RBFOX3: variants seen among roughly 807,000 people sequenced by gnomAD.
RBFOX3 encodes RNA binding fox-1 homolog 3.
In RBFOX3, 17 loss-of-function variants were observed where a neutral mutation model predicts 48.7. That is an observed-to-expected ratio of 0.35 (90% CI 0.24 to 0.52). The LOEUF is 0.52. RBFOX3 is among the 20% of genes least tolerant of loss of function. RBFOX3 has a pLI of 0.94. For missense variants in RBFOX3, 382 were observed against 497.5 expected (o/e 0.77, Z 2.21); for synonymous variants, 212 against 209.5 (o/e 1.01, Z -0.10).
chr17:79,549,976 G>A (rs1281003541), intron 1 of RBFOX3, among the ~76,000 whole-genome samples: 1 of 152,210 alleles, frequency 6.6e-6, no homozygotes, highest in African/African-American at 2.4e-5. Context: ...TGTAGGGCAG[G>A]ACGTGGGCAT....
In RBFOX3 at chr17:79,480,836, C is replaced by T. The variant is rs376923649; in HGVS notation, c.-175+1618G>A. 2.0e-5 allele frequency among the ~76,000 whole-genome samples: 3 copies of T among 152,196 alleles called. No homozygotes were observed. Among genetic ancestry groups the T allele is most frequent in the African/African-American group, 7.2e-5 (3 of 41,456 alleles). ...TAATGCACTGCATTTATCTTCACAG[C>T]GTTATGGCGCCTGACATACATTTAT... On this transcript the variant is annotated intron_variant, in intron 2 of 14. Coordinates refer to ENST00000693108, the MANE Select transcript of RBFOX3 (RefSeq NM_001350451.2). The surrounding 1 kb of genome is among the most constrained non-coding windows in gnomAD (Gnocchi z 4.8).
intron 1 of RBFOX3, among the ~76,000 whole-genome samples, chr17:79,579,456 G>A (rs2144755583): frequency 6.6e-6 from 1 of 152,318 alleles, no homozygotes; most frequent in Admixed American, 6.5e-5. Context: ...ATTCTGTCTT[G>A]CAGACCATCT....
intron 4 of RBFOX3, among the ~76,000 whole-genome samples, chr17:79,178,441 G>A (rs567444218): frequency 1.3e-5 from 2 of 152,290 alleles, no homozygotes; most frequent in East Asian, 3.9e-4. Context: ...CTGAATCTTC[G>A]TTGTTCAGGA....
intron 4 of RBFOX3, among the ~76,000 whole-genome samples, chr17:79,151,313 A>G (rs1478094782): frequency 1.3e-5 from 2 of 149,192 alleles, no homozygotes; most frequent in African/African-American, 5.0e-5. Flanking sequence ...CAGCTGCCCC[A>G]CGGGACGCGT....
chr17:79,241,632 G>A (rs1369624706), intron 3 of RBFOX3, among the ~76,000 whole-genome samples: 3 of 152,122 alleles, frequency 2.0e-5, no homozygotes, highest in Admixed American at 2.0e-4. Context: ...GCAGGGAGAT[G>A]GTTTTTGTCA....
chr17:79,597,102 C>A (rs927172828), intron 1 of RBFOX3, among the ~76,000 whole-genome samples: 1 of 152,218 alleles, frequency 6.6e-6, no homozygotes, highest in African/African-American at 2.4e-5. Flanking sequence ...ACCTCCGTGG[C>A]TGCCACACAC....
At chr17:79,507,247 G>A (rs1233516635) in intron 1 of RBFOX3, among the ~76,000 whole-genome samples, 2 of 152,170 alleles carry the variant, frequency 1.3e-5, no homozygotes, top group Non-Finnish European at 2.9e-5. Context: ...CAACCGCCAG[G>A]GCCTCAGAGC....
upstream of RBFOX3, among the ~76,000 whole-genome samples, chr17:79,612,738 T>C (rs1360193000): frequency 6.6e-6 from 1 of 152,218 alleles, no homozygotes; most frequent in African/African-American, 2.4e-5. Flanking sequence ...GCATTCCAGC[T>C]CTAAAGCCCT....
intron 3 of RBFOX3, among the ~76,000 whole-genome samples, chr17:79,282,617 G>A (rs1344849524): frequency 1.3e-5 from 2 of 152,340 alleles, no homozygotes; most frequent in African/African-American, 2.4e-5. Context: ...CTGCAGGGCC[G>A]GCCGCTGACC....
At chr17:79,179,033 C>A (rs993657876) in intron 4 of RBFOX3, among the ~76,000 whole-genome samples, 24 of 152,268 alleles carry the variant, frequency 1.6e-4, no homozygotes, top group Middle Eastern at 6.8e-3. Context: ...GTGTCTCAGA[C>A]GGGGTTCCTG....
In RBFOX3 at chr17:79,220,053, G is replaced by T. The variant is rs534367548; in HGVS notation, c.-34+15713C>A. On this transcript the variant is annotated intron_variant, in intron 4 of 14. Transcript: ENST00000693108. This position sits in a 1 kb window ranked among gnomAD's most constrained non-coding sequence, Gnocchi z 5.9. ...GCACCCCTGCCTGCTGGGCCCTGGG[G>T]GAAGGGTGGCATGGCCTGGGAAGGC... is the stretch of plus-strand genomic sequence containing the variant. Among the ~76,000 whole-genome samples, 1 of 149,868 alleles carries T rather than the reference G, an allele frequency of 6.7e-6. No individual in the cohort carries two copies. The highest frequency in any genetic ancestry group is 2.2e-4 in the South Asian group (1 of 4,646).
the RBFOX3 span, among the ~76,000 whole-genome samples, chr17:79,652,452 A>AAG: frequency 5.0e-3 from 731 of 146,992 alleles, 8 homozygotes; most frequent in African/African-American, 0.017. Context: ...TCTGGAAAGA[A>AAG]AGAGAGAGAG....
chr17:79,209,411 A>G (rs1232253081), intron 4 of RBFOX3, among the ~76,000 whole-genome samples: 1 of 152,242 alleles, frequency 6.6e-6, no homozygotes, highest in Non-Finnish European at 1.5e-5. Flanking sequence ...CAGGCAGGAC[A>G]GAGGCACTCG....
intron 1 of RBFOX3, among the ~76,000 whole-genome samples, chr17:79,506,369 G>A (rs1474220656): frequency 1.3e-5 from 2 of 152,186 alleles, no homozygotes; most frequent in African/African-American, 2.4e-5. Flanking sequence ...TGGCTCCCAC[G>A]ATCACTGCAT....
chr17:79,145,759 C>G lies in RBFOX3; in HGVS notation c.-33-30011G>C, dbSNP rs1039279925. Among the ~76,000 whole-genome samples the G allele has an allele frequency of 2.6e-4, 39 of 148,470 alleles. 2 individuals are homozygous for G. Among genetic ancestry groups the G allele is most frequent in the Admixed American group, 6.8e-4 (10 of 14,720 alleles). ...CACTCAGCACCTGGACCCACTGACACGTGGATCCATGCGGCCCACACGGGG... is the reference window on the plus strand; with the variant it reads ...CACTCAGCACCTGGACCCACTGACAGGTGGATCCATGCGGCCCACACGGGG... On this transcript the variant is annotated intron_variant, in intron 4 of 14. Coordinates refer to ENST00000693108, the MANE Select transcript of RBFOX3 (RefSeq NM_001350451.2).
chr17:79,424,009 C>A, intron 2 of RBFOX3: 1 of 152,910 alleles, frequency 6.5e-6, no homozygotes, highest in Non-Finnish European at 1.5e-5. Flanking sequence ...AGGAGACCTC[C>A]CTGCCCCTCA....
intron 4 of RBFOX3, among the ~76,000 whole-genome samples, chr17:79,167,249 C>G (rs1047359001): frequency 2.6e-5 from 4 of 152,216 alleles, no homozygotes; most frequent in African/African-American, 9.6e-5. Context: ...GGCACAGTGC[C>G]AGGCTCGGGG....
rs201237089 is a variant in RBFOX3 at position 79,442,362 on chromosome 17, G to A, written c.-175+40092C>T. On this transcript the variant is annotated intron_variant, in intron 2 of 14. Transcript: ENST00000693108. ...GAGGGAGGGAGGGAGGAAGAGGGGG[G>A]GAGAGAGAGAGAGAGAGAGAGAGAG... 5.2e-3 allele frequency among the ~76,000 whole-genome samples: 39 copies of A among 7,442 alleles called. 4 individuals carry two copies. The highest frequency in any genetic ancestry group is 0.037 in the East Asian group (9 of 242). The allele number at this position is 7,442 out of a possible 152,430, so 4.9% of individuals were successfully genotyped here. A position where few individuals can be genotyped will look rare whatever the true frequency, so the allele number is the denominator to read the frequency against.
In RBFOX3 at chr17:79,090,789, A is replaced by ATCT. The variant is rs2073726262; in HGVS notation, c.*91_*93dup. 1 of 1,373,670 alleles carries ATCT rather than the reference A, an allele frequency of 7.3e-7. No homozygotes were observed. The highest frequency in any genetic ancestry group is 1.4e-5 in the South Asian group (1 of 70,034). 85.1% of individuals were successfully genotyped at this position (1,373,670 alleles called of 1,614,324 possible). A position where few individuals can be genotyped will look rare whatever the true frequency, so the allele number is the denominator to read the frequency against. On this transcript the variant is annotated 3_prime_UTR_variant, in exon 15 of 15. Coordinates refer to ENST00000693108, the MANE Select transcript of RBFOX3 (RefSeq NM_001350451.2). ...GGTTGGTTTTTTTTTTGTTGCTTGG[A>ATCT]TCTTAACATCTTTTTTTGTTTTTTT...
Sources: allele counts gnomAD v4.1 joint callset (sites outside exome capture counted in the v4.1 genomes callset), GRCh38; gene constraint gnomAD v4.1.1; non-coding constraint Gnocchi (gnomAD v3.1); transcripts MANE v1.5; gene names NCBI Gene and HGNC (gene_info 2026-07-23, HGNC 2026-07-21).